Variants in KIAA1217 observed in about 807,000 individuals in gnomAD.
The protein encoded by KIAA1217 is KIAA1217.
Under a neutral mutation model 163.9 loss-of-function variants are expected in KIAA1217, and 88 were observed. The observed-to-expected ratio is 0.54, with a 90% CI of 0.45 to 0.64. The LOEUF (loss-of-function observed/expected upper bound fraction) is 0.64. Among genes scored for constraint, KIAA1217 ranks in the 30% least tolerant of loss-of-function variants. The pLI is 0.00. For synonymous variants in KIAA1217, 903 were observed against 923.1 expected (o/e 0.98, Z 0.39); for missense variants, 2,372 against 2,475.0 (o/e 0.96, Z 0.88).
At chr10:24,222,631 C>G (rs2069817503) in intron 2 of KIAA1217, among the ~76,000 whole-genome samples, 1 of 152,054 alleles carries the variant, frequency 6.6e-6, no homozygotes, top group African/African-American at 2.4e-5. Flanking sequence ...TTGCCTCAGC[C>G]CCCCAGTAGC....
intron 1 of KIAA1217, among the ~76,000 whole-genome samples, chr10:23,840,381 C>T (rs1453758798): frequency 6.6e-6 from 1 of 152,100 alleles, no homozygotes; most frequent in Non-Finnish European, 1.5e-5. Flanking sequence ...TCTCGAACTC[C>T]TGACCTCAGG....
chr10:23,865,278 A>T (rs1315477048), intron 1 of KIAA1217, among the ~76,000 whole-genome samples: 9 of 152,198 alleles, frequency 5.9e-5, no homozygotes, highest in African/African-American at 2.2e-4. Context: ...AGATCAAATG[A>T]ATGAAATATG....
chr10:24,084,330 T>C (rs938989296), intron 2 of KIAA1217, among the ~76,000 whole-genome samples: 1 of 152,246 alleles, frequency 6.6e-6, no homozygotes, highest in African/African-American at 2.4e-5. Context: ...TTTGTGTTTT[T>C]GTGTATTTCG....
intron 1 of KIAA1217, among the ~76,000 whole-genome samples, chr10:23,739,515 C>T (rs1416217942): frequency 6.6e-6 from 1 of 152,150 alleles, no homozygotes; most frequent in African/African-American, 2.4e-5. Flanking sequence ...GTCAGCGTGG[C>T]TTGAGCAGAA....
At chr10:23,856,312 G>C (rs1234984122) in intron 1 of KIAA1217, among the ~76,000 whole-genome samples, 1 of 152,212 alleles carries the variant, frequency 6.6e-6, no homozygotes, top group African/African-American at 2.4e-5. Flanking sequence ...AGCAGCAGTG[G>C]CTGCAGAACA....
At chr10:23,848,013 GTA>G (rs1839125734) in intron 1 of KIAA1217, among the ~76,000 whole-genome samples, 1 of 152,162 alleles carries the variant, frequency 6.6e-6, no homozygotes, top group Non-Finnish European at 1.5e-5. Context: ...CAGTTTCCAT[GTA>G]GTTGTGCAGT....
chr10:24,134,420 T>G (rs2063762496), intron 2 of KIAA1217, among the ~76,000 whole-genome samples: 1 of 152,154 alleles, frequency 6.6e-6, no homozygotes, highest in Admixed American at 6.5e-5. Flanking sequence ...TAAGATATGC[T>G]TGAAACCTCA....
chr10:24,480,245 G>C (rs554799839), intron 6 of KIAA1217, among the ~76,000 whole-genome samples: 17 of 152,308 alleles, frequency 1.1e-4, no homozygotes, highest in African/African-American at 3.8e-4. Flanking sequence ...ATAAAATAGA[G>C]AAATGAAAGA....
chr10:24,072,901 T>A (rs2131632466), intron 2 of KIAA1217, among the ~76,000 whole-genome samples: 1 of 151,352 alleles, frequency 6.6e-6, no homozygotes, highest in East Asian at 2.0e-4. Context: ...TCTACAGAAA[T>A]ACAAAATTTA....
chr10:24,287,565 A>G (rs1183158521), intron 2 of KIAA1217, among the ~76,000 whole-genome samples: 4 of 152,248 alleles, frequency 2.6e-5, no homozygotes, highest in Non-Finnish European at 5.9e-5. Flanking sequence ...TATAAAAAAT[A>G]CTATGTTCTT....
At chr10:24,403,527 T>C (rs1222751717) in intron 3 of KIAA1217, among the ~76,000 whole-genome samples, 2 of 152,092 alleles carry the variant, frequency 1.3e-5, no homozygotes, top group African/African-American at 4.8e-5. Context: ...GCATGAGCCA[T>C]CTTGCCCAGC....
At chr10:23,960,793 T>C (rs958614874) in intron 1 of KIAA1217, among the ~76,000 whole-genome samples, 2 of 152,248 alleles carry the variant, frequency 1.3e-5, no homozygotes, top group African/African-American at 4.8e-5. Flanking sequence ...ATCTCATATT[T>C]CATGTAATCA....
At chr10:24,300,874 G>A (rs1348452604) in intron 2 of KIAA1217, among the ~76,000 whole-genome samples, 3 of 152,072 alleles carry the variant, frequency 2.0e-5, no homozygotes, top group Non-Finnish European at 4.4e-5. Flanking sequence ...GTGCAGTGGT[G>A]TTATCTTGGC....
intron 2 of KIAA1217, among the ~76,000 whole-genome samples, chr10:24,238,846 G>A (rs537126954): frequency 1.3e-5 from 2 of 152,248 alleles, no homozygotes; most frequent in East Asian, 1.9e-4. Context: ...GCAGATTAAC[G>A]AACGCCTATA....
intron 2 of KIAA1217, among the ~76,000 whole-genome samples, chr10:24,152,823 A>T (rs1031772706): frequency 2.6e-5 from 4 of 152,200 alleles, no homozygotes; most frequent in Admixed American, 6.5e-5. Context: ...CTAAGGTTGA[A>T]CTTTTTTCTT....
chr10:23,773,384 A>G (rs1243543240), intron 1 of KIAA1217, among the ~76,000 whole-genome samples: 1 of 151,610 alleles, frequency 6.6e-6, no homozygotes, highest in Non-Finnish European at 1.5e-5. Context: ...TATAGTTTGA[A>G]GTCAGGTAGC....
chr10:24,404,372 T>G (rs7068457), intron 3 of KIAA1217, among the ~76,000 whole-genome samples: 82,166 of 151,520 alleles, frequency 0.54, 22,632 homozygotes, highest in Non-Finnish European at 0.58. Context: ...ATGGAGACCC[T>G]CCTGGCCAAC....
intron 1 of KIAA1217, among the ~76,000 whole-genome samples, chr10:23,952,761 T>C (rs1342477474): frequency 6.6e-6 from 1 of 152,242 alleles, no homozygotes; most frequent in Non-Finnish European, 1.5e-5. Flanking sequence ...TTGTAAACTA[T>C]AAAGTATTCT....
At chr10:23,980,029 A>G (rs971604772) in intron 1 of KIAA1217, among the ~76,000 whole-genome samples, 4 of 152,112 alleles carry the variant, frequency 2.6e-5, no homozygotes, top group Admixed American at 2.6e-4. Flanking sequence ...TTTCACGAAT[A>G]CCATATATTT....
Sources: gnomAD v4.1 joint callset for allele counts (sites outside exome capture counted in the v4.1 genomes callset) on GRCh38, gnomAD v4.1.1 for gene constraint, MANE v1.5 for transcripts, NCBI Gene and HGNC (gene_info 2026-07-23, HGNC 2026-07-21) for gene names.